Variants in MAD1L1 observed in about 807,000 individuals in gnomAD.
MAD1L1 encodes the protein mitotic spindle assembly checkpoint protein MAD1.
Under a neutral mutation model 96.9 loss-of-function variants are expected in MAD1L1, and 95 were observed. That is an observed-to-expected ratio of 0.98 (90% CI 0.83 to 1.16). The LOEUF is 1.16. MAD1L1 is among the 50% of genes most tolerant of loss of function. The pLI is 0.00. For missense variants in MAD1L1, 1,007 were observed against 954.4 expected, an observed-to-expected ratio of 1.06 and a Z score of -0.73; for synonymous variants, 473 against 396.6, an observed-to-expected ratio of 1.19 and a Z score of -2.29.
intron 10 of MAD1L1, among the ~76,000 whole-genome samples, chr7:2,175,559 A>T (rs1790910388): frequency 6.6e-6 from 1 of 151,942 alleles, no homozygotes; most frequent in Non-Finnish European, 1.5e-5. Flanking sequence ...TCAGAAAGAA[A>T]AAGGTAGGTG....
intron 16 of MAD1L1, among the ~76,000 whole-genome samples, chr7:1,949,381 C>T (rs1191034426): frequency 6.6e-6 from 1 of 152,224 alleles, no homozygotes; most frequent in Non-Finnish European, 1.5e-5. Context: ...GATCTCCTCC[C>T]TCTGCCACAT....
chr7:2,161,634 G>A (rs1038153567), intron 10 of MAD1L1, among the ~76,000 whole-genome samples: 3 of 149,290 alleles, frequency 2.0e-5, no homozygotes, highest in South Asian at 2.1e-4. Context: ...GCCTCTTCCC[G>A]GCCGACATCC....
intron 10 of MAD1L1, chr7:2,209,962 G>T (rs1373345295): frequency 6.6e-6 from 1 of 152,280 alleles, no homozygotes; most frequent in South Asian, 2.1e-4. Context: ...CTGTGTCCCT[G>T]TCGCCGACTT....
intron 18 of MAD1L1, among the ~76,000 whole-genome samples, chr7:1,869,017 C>T (rs1296137664): frequency 6.6e-6 from 1 of 152,228 alleles, no homozygotes; most frequent in East Asian, 1.9e-4. Flanking sequence ...GAAAGGCAGG[C>T]TCTGGCTCGG....
At chr7:2,028,530 C>G (rs1399915631) in intron 12 of MAD1L1, among the ~76,000 whole-genome samples, 1 of 151,746 alleles carries the variant, frequency 6.6e-6, no homozygotes. Flanking sequence ...TCAATGCATT[C>G]TCAATAAAAA....
At chr7:2,172,247 G>A (rs778142219) in intron 10 of MAD1L1, among the ~76,000 whole-genome samples, 7 of 152,072 alleles carry the variant, frequency 4.6e-5, no homozygotes, top group Non-Finnish European at 7.4e-5. Flanking sequence ...ACAGCCTTGC[G>A]AGACACCACG....
At chr7:2,102,375 G>A (rs954268566) in intron 11 of MAD1L1, among the ~76,000 whole-genome samples, 6 of 137,750 alleles carry the variant, frequency 4.4e-5, no homozygotes, top group African/African-American at 5.6e-5. Context: ...TATCACCACC[G>A]TCACCATCAC....
chr7:2,205,623 G>C (rs1296612279), intron 10 of MAD1L1, among the ~76,000 whole-genome samples: 1 of 152,144 alleles, frequency 6.6e-6, no homozygotes, highest in Non-Finnish European at 1.5e-5. Flanking sequence ...ACAGATGTGA[G>C]AGTTATCTCG....
chr7:2,085,384 A>G (rs1350459970), intron 11 of MAD1L1, among the ~76,000 whole-genome samples: 2 of 152,188 alleles, frequency 1.3e-5, no homozygotes, highest in African/African-American at 2.4e-5. Flanking sequence ...TACACACCCC[A>G]GGAGAGCAGC....
intron 17 of MAD1L1, among the ~76,000 whole-genome samples, chr7:1,912,609 G>A (rs187234481): frequency 5.4e-4 from 82 of 152,214 alleles, no homozygotes; most frequent in African/African-American, 1.9e-3. Context: ...CACCAGTGGG[G>A]GAACGGTCCT....
chr7:1,924,968 T>C (rs1416507354), intron 17 of MAD1L1, among the ~76,000 whole-genome samples: 2 of 151,090 alleles, frequency 1.3e-5, no homozygotes, highest in Non-Finnish European at 3.0e-5. Context: ...ATAGATATAA[T>C]AAAGACATAG....
intron 12 of MAD1L1, among the ~76,000 whole-genome samples, chr7:2,021,633 T>C (rs1014200291): frequency 1.3e-5 from 2 of 151,946 alleles, no homozygotes; most frequent in African/African-American, 4.8e-5. Flanking sequence ...GGCATGGTAA[T>C]AGGCGCCTGT....
chr7:2,014,436 T>G, intron 13 of MAD1L1, 66 bp downstream of exon 13: 8 of 1,489,114 alleles, frequency 5.4e-6, no homozygotes, highest in Non-Finnish European at 7.1e-6. Context: ...CGCCGCAGGC[T>G]CTGCCAAGGC....
intron 14 of MAD1L1, among the ~76,000 whole-genome samples, chr7:1,986,425 G>A (rs541293791): frequency 3.1e-4 from 47 of 151,708 alleles, no homozygotes; most frequent in Middle Eastern, 3.2e-3. Context: ...CCCGCACTGC[G>A]GAGCCAGGGT....
At chr7:1,866,991 A>G (rs1447701719) in intron 18 of MAD1L1, among the ~76,000 whole-genome samples, 1 of 152,196 alleles carries the variant, frequency 6.6e-6, no homozygotes, top group Non-Finnish European at 1.5e-5. Context: ...GGTAGTGGGC[A>G]GCACTCACTA....
At chr7:2,013,604 C>G (rs1782398668) in intron 13 of MAD1L1, among the ~76,000 whole-genome samples, 2 of 152,278 alleles carry the variant, frequency 1.3e-5, no homozygotes, top group Admixed American at 1.3e-4. Context: ...CCAGGCAGAG[C>G]AGAATGGTAA....
intron 11 of MAD1L1, among the ~76,000 whole-genome samples, chr7:2,085,356 CGCCGCACA>C (rs1422890799): frequency 6.6e-6 from 1 of 152,220 alleles, no homozygotes; most frequent in African/African-American, 2.4e-5. Context: ...TCTGTCTCCC[CGCCGCACA>C]GCCACGCAGT....
At chr7:1,842,761 G>C (rs915809670) in intron 18 of MAD1L1, among the ~76,000 whole-genome samples, 1 of 152,246 alleles carries the variant, frequency 6.6e-6, no homozygotes, top group Non-Finnish European at 1.5e-5. Flanking sequence ...CCCAGGGCAC[G>C]GTCAGGCTGT....
At chr7:1,928,360 C>G (rs937767928) in intron 17 of MAD1L1, among the ~76,000 whole-genome samples, 6 of 151,584 alleles carry the variant, frequency 4.0e-5, no homozygotes, top group Non-Finnish European at 7.4e-5. Flanking sequence ...CCTGCCACGC[C>G]AGACACTGCT....
Sources: allele counts gnomAD v4.1 joint callset (sites outside exome capture counted in the v4.1 genomes callset), GRCh38; gene constraint gnomAD v4.1.1; transcripts MANE v1.5; gene names NCBI Gene and HGNC (gene_info 2026-07-23, HGNC 2026-07-21).